ZNG1E: variants seen among roughly 807,000 people sequenced by gnomAD.
ZNG1E encodes the protein Zn regulated GTPase metalloprotein activator 1E.
At chr9:65,720,969 T>C in the ZNG1E span, among the ~76,000 whole-genome samples, 1 of 132,826 alleles carries the variant, frequency 7.5e-6, no homozygotes, top group African/African-American at 3.0e-5. Context: ...ATAGAATTTA[T>C]GGTAAAAAAA....
chr9:65,717,823 G>A, the ZNG1E span, among the ~76,000 whole-genome samples: 7 of 145,452 alleles, frequency 4.8e-5, no homozygotes, highest in Non-Finnish European at 8.9e-5. Context: ...GAGTAGCTGG[G>A]ACTATAGGCA....
the ZNG1E span, among the ~76,000 whole-genome samples, chr9:65,687,447 A>ATTAC: frequency 6.6e-6 from 1 of 152,124 alleles, no homozygotes; most frequent in Non-Finnish European, 1.5e-5. Flanking sequence ...TTGTTTTTAT[A>ATTAC]TTACTTGAAG....
chr9:65,660,885 TAAAC>T, the ZNG1E span, among the ~76,000 whole-genome samples: 1 of 144,778 alleles, frequency 6.9e-6, no homozygotes, highest in Non-Finnish European at 1.5e-5. Context: ...AATAAATACA[TAAAC>T]AAACTCAAGT....
the ZNG1E span, among the ~76,000 whole-genome samples, chr9:65,728,398 A>G: frequency 6.7e-6 from 1 of 149,202 alleles, no homozygotes; most frequent in East Asian, 2.0e-4. Flanking sequence ...AAATTGAAAC[A>G]AAACAACAAA....
the ZNG1E span, chr9:65,704,966 A>G: frequency 4.9e-5 from 7 of 144,256 alleles, no homozygotes; most frequent in African/African-American, 1.9e-4. Flanking sequence ...AAAATAGTCA[A>G]AGTCACTCTT....
chr9:65,710,610 G>A, the ZNG1E span, among the ~76,000 whole-genome samples: 1 of 152,074 alleles, frequency 6.6e-6, no homozygotes, highest in African/African-American at 2.4e-5. Flanking sequence ...ATTAAATACG[G>A]AATCCTTTCC....
the ZNG1E span, among the ~76,000 whole-genome samples, chr9:65,659,368 G>T: frequency 6.6e-6 from 1 of 151,312 alleles, no homozygotes; most frequent in Non-Finnish European, 1.5e-5. Flanking sequence ...GGTGGCGCAT[G>T]CCTGTAATCC....
chr9:65,676,910 G>A, the ZNG1E span, among the ~76,000 whole-genome samples: 4 of 145,950 alleles, frequency 2.7e-5, no homozygotes, highest in African/African-American at 7.9e-5. Flanking sequence ...TTTGGAAAAA[G>A]TTAAGAAATG....
At chr9:65,662,578 AGGAAG>A in the ZNG1E span, among the ~76,000 whole-genome samples, 1 of 151,930 alleles carries the variant, frequency 6.6e-6, no homozygotes, top group Non-Finnish European at 1.5e-5. Flanking sequence ...GAAAATTAAA[AGGAAG>A]TTTTCTCTTT....
chr9:65,665,500 G>A, the ZNG1E span, among the ~76,000 whole-genome samples: 2 of 152,190 alleles, frequency 1.3e-5, no homozygotes, highest in East Asian at 1.9e-4. Context: ...TTTGCTGTAG[G>A]GGTGGGTCCC....
chr9:65,710,491 A>C, the ZNG1E span, among the ~76,000 whole-genome samples: 3 of 141,702 alleles, frequency 2.1e-5, no homozygotes, highest in South Asian at 6.7e-4. Context: ...GTTTTAGGTC[A>C]AACGTTTAAG....
chr9:65,664,516 T>C, the ZNG1E span, among the ~76,000 whole-genome samples: 2 of 73,706 alleles, frequency 2.7e-5, 1 homozygote, highest in Non-Finnish European at 5.6e-5. Flanking sequence ...TCCCCAGCCA[T>C]GTGGAACTGT....
chr9:65,722,697 A>AATTTTTTTTT, the ZNG1E span, among the ~76,000 whole-genome samples: 2 of 8,396 alleles, frequency 2.4e-4, no homozygotes, highest in Admixed American at 2.5e-3. Flanking sequence ...TGCCTAGCTA[A>AATTTTTTTTT]TTTTTTTTTT....
the ZNG1E span, chr9:65,681,742 C>G: frequency 9.6e-7 from 1 of 1,045,088 alleles, no homozygotes. Context: ...CTTTAATTTT[C>G]TTGAGTAATT....
chr9:65,668,524 T>C, the ZNG1E span, among the ~76,000 whole-genome samples: 1 of 150,806 alleles, frequency 6.6e-6, no homozygotes, highest in South Asian at 2.1e-4. Context: ...TATATATATA[T>C]GTGTGTGTAT....
chr9:65,720,952 C>A, the ZNG1E span, among the ~76,000 whole-genome samples: 1 of 143,024 alleles, frequency 7.0e-6, no homozygotes. Flanking sequence ...AATACAAGTC[C>A]TTGGAGATAG....
the ZNG1E span, chr9:65,691,100 G>C: frequency 3.8e-6 from 6 of 1,578,162 alleles, no homozygotes; most frequent in South Asian, 3.5e-5. Flanking sequence ...CTGAGACAGA[G>C]TCTCACTTTG....
At chr9:65,685,018 G>A in the ZNG1E span, among the ~76,000 whole-genome samples, 84 of 143,458 alleles carry the variant, frequency 5.9e-4, no homozygotes, top group Middle Eastern at 3.9e-3. Context: ...CTCCAGCCTG[G>A]ATGACAGCAT....
At chr9:65,691,227 C>T in the ZNG1E span, among the ~76,000 whole-genome samples, 1,545 of 142,820 alleles carry the variant, frequency 0.011, 3 homozygotes, top group African/African-American at 0.042. Context: ...GGACTACAGG[C>T]GTGCACCATC....
Sources: gnomAD v4.1 joint callset for allele counts (sites outside exome capture counted in the v4.1 genomes callset) on GRCh38, gnomAD v4.1.1 for gene constraint, MANE v1.5 for transcripts, NCBI Gene and HGNC (gene_info 2026-07-23, HGNC 2026-07-21) for gene names.